Variants in TMEM101 observed in about 807,000 individuals in gnomAD.
The protein encoded by TMEM101 is transmembrane protein 101.
TMEM101 carries 14 observed loss-of-function variants against 26.0 expected under a neutral mutation model. That is an observed-to-expected ratio of 0.54 (90% CI 0.36 to 0.84). The LOEUF is 0.84. Ranked by LOEUF, TMEM101 falls within the 40% of genes least tolerant of loss-of-function variation. The pLI is 0.01. For missense variants in TMEM101, 292 were observed against 345.1 expected (o/e 0.85, Z 1.22); for synonymous variants, 152 against 145.1 (o/e 1.05, Z -0.34).
Position 44,013,096 on chromosome 17 carries a change from A to G in TMEM101, c.378T>C (p.Gly126=). 1 of 1,609,492 alleles carries G rather than the reference A, an allele frequency of 6.2e-7. No individual in the cohort carries two copies. The highest frequency in any genetic ancestry group is 8.5e-7 in the Non-Finnish European group (1 of 1,176,836). ...IIGGFLVLAS[G]AGELYRRKPR... is the part of the protein sequence containing the mutation. ...GTTTCCGGCGGTACAGCTCCCCAGCACCGCTGGCCAACACAAGAAAGCCGC... is the reference window on the plus strand; with the variant it reads ...GTTTCCGGCGGTACAGCTCCCCAGCGCCGCTGGCCAACACAAGAAAGCCGC... The change falls in exon 3 of 4, where the codon GGT becomes GGC. Residue 126 remains glycine, a synonymous_variant. Coordinates refer to ENST00000206380, the MANE Select transcript of TMEM101 (RefSeq NM_032376.4).
At chr17:44,014,752 C>T in intron 1 of TMEM101, 64 bp downstream of exon 1, 3 of 1,517,722 alleles carry the variant, frequency 2.0e-6, no homozygotes, top group South Asian at 2.6e-5. Flanking sequence ...CGACTTCTAG[C>T]CCCCAATTTC....
upstream of TMEM101, among the ~76,000 whole-genome samples, chr17:44,015,579 G>A (rs1423524033): frequency 1.3e-5 from 2 of 152,064 alleles, no homozygotes; most frequent in East Asian, 3.9e-4. Context: ...ATTTTTAGTA[G>A]AGACGGAGTT....
Position 44,013,116 on chromosome 17 carries a change from A to AGCT in TMEM101, c.357_358insAGC (p.Gly119_Phe120insSer). On this transcript the variant is annotated inframe_insertion, in exon 3 of 4. Transcript: ENST00000206380. ...CCAGCACCGCTGGCCAACACAAGAA[A>AGCT]GCCGCCGATGATGGCAACTGTGCGC... 6.2e-7 allele frequency: 1 copy of AGCT among 1,606,924 alleles called. No individual in the cohort carries two copies. The highest frequency in any genetic ancestry group is 8.5e-7 in the Non-Finnish European group (1 of 1,174,712).
At chr17:44,012,331 C>T (rs2049171736) in intron 3 of TMEM101, 95 bp from the exon 4 acceptor site, 4 of 1,215,588 alleles carry the variant, frequency 3.3e-6, no homozygotes, top group South Asian at 3.0e-5. Context: ...TGAGTCCCTG[C>T]AGATGGGCTT....
chr17:44,020,416 G>A (rs971898168), intron 2 of TMEM101, among the ~76,000 whole-genome samples: 3 of 152,154 alleles, frequency 2.0e-5, no homozygotes, highest in Non-Finnish European at 4.4e-5. Context: ...AGAAGTCCAG[G>A]TTGGATTTCA....
chr17:44,023,094 C>A (rs796868829), exon 1 of TMEM101: 2 of 381,432 alleles, frequency 5.2e-6, no homozygotes, highest in South Asian at 3.8e-5. Context: ...GCTCCAGAGT[C>A]GGCCACTCGT....
rs894531067 is a variant in TMEM101 at position 44,014,933 on chromosome 17, G to C, written c.20C>G (p.Ser7Trp). 6.2e-7 allele frequency: 1 copy of C among 1,612,900 alleles called. No homozygotes were observed. The highest frequency in any genetic ancestry group is 1.3e-5 in the African/African-American group (1 of 74,916). Residue 7 changes from serine to tryptophan, a missense_variant, in exon 1 of 4, where the codon TCG becomes TGG. Around this residue, in one of 2 missense-constraint regions of TMEM101, gnomAD observed 143 missense variants for 133.2 expected, o/e 1.07. Coordinates refer to ENST00000206380, the MANE Select transcript of TMEM101 (RefSeq NM_032376.4). Reference sequence around the variant, plus strand: ...GATCAGCTGCAACATCCACCGTCTCGAACCTATCTTCGACGCCATCTTGGG... The same window carrying C: ...GATCAGCTGCAACATCCACCGTCTCCAACCTATCTTCGACGCCATCTTGGG... MASKIG[S>W]RRWMLQLIMQ...
At chr17:44,012,657 G>C (rs892692321) in intron 3 of TMEM101, 1 of 411,878 alleles carries the variant, frequency 2.4e-6, no homozygotes, top group Non-Finnish European at 4.3e-6. Context: ...AGCTCTAGGG[G>C]GCAGAGTCCC....
intron 2 of TMEM101, among the ~76,000 whole-genome samples, chr17:44,019,993 T>C (rs917247563): frequency 4.6e-5 from 7 of 152,140 alleles, no homozygotes; most frequent in African/African-American, 1.7e-4. Context: ...GCTGAGCAAA[T>C]TTATCTGATT....
In TMEM101 at chr17:44,014,327, G is replaced by A. The variant is rs1325610515; in HGVS notation, c.318+30C>T. On this transcript the variant is annotated intron_variant, in intron 2 of 3. Transcript: ENST00000206380. ...GCCTCTGATTCCCCGTCACCCAGAG[G>A]GAAGACCCTTTTGGGGCCGAGGCGC... 15 of 1,539,584 alleles carry A rather than the reference G, an allele frequency of 9.7e-6. 1 individual carries two copies. The highest frequency in any genetic ancestry group is 1.3e-5 in the Non-Finnish European group (15 of 1,138,180).
At chr17:44,019,693 A>C (rs145817380), upstream of TMEM101, among the ~76,000 whole-genome samples, 4 of 152,216 alleles carry the variant, frequency 2.6e-5, no homozygotes, top group African/African-American at 9.6e-5. Context: ...TTAATATTTA[A>C]CTTTTCCTCC....
upstream of TMEM101, among the ~76,000 whole-genome samples, chr17:44,016,935 C>T (rs2049238147): frequency 6.6e-6 from 1 of 151,828 alleles, no homozygotes; most frequent in Non-Finnish European, 1.5e-5. Context: ...GAGTTCAAGA[C>T]CAGCCTGGCC....
intron 2 of TMEM101, among the ~76,000 whole-genome samples, chr17:44,013,649 ACT>A (rs1000233251): frequency 5.9e-5 from 9 of 151,640 alleles, no homozygotes; most frequent in Non-Finnish European, 8.8e-5. Context: ...ACGGAGAGAG[ACT>A]CTGTTTCAAA....
upstream of TMEM101, among the ~76,000 whole-genome samples, chr17:44,017,853 G>A (rs2049249698): frequency 6.6e-6 from 1 of 151,972 alleles, no homozygotes; most frequent in Non-Finnish European, 1.5e-5. Flanking sequence ...CACTAGGGTC[G>A]GGCATGGTGG....
At position 44,011,816 on chromosome 17, in the gene TMEM101, A is replaced by C; in HGVS notation, c.*112T>G. 8.2e-7 allele frequency: 1 copy of C among 1,226,516 alleles called. No individual in the cohort carries two copies. Among genetic ancestry groups the C allele is most frequent in the Non-Finnish European group, 1.1e-6 (1 of 890,342 alleles). The allele number at this position is 1,226,516 out of a possible 1,614,324, so 76.0% of individuals were successfully genotyped here. On this transcript the variant is annotated 3_prime_UTR_variant, in exon 4 of 4. Transcript: ENST00000206380. ...AAAAACAATTTTAAAAAAGCAAAAG[A>C]TCAAACAAACAGACCAAAAAGCATA... is the stretch of plus-strand genomic sequence containing the variant.
Position 44,012,105 on chromosome 17 carries a change from G to A in TMEM101, c.597C>T (p.Tyr199=), listed in dbSNP as rs776905114. ...CCAGGATCTGGGCAGCGAGGGTCAC[G>A]TAGTAGCCTGACAGAAAGGCCAGGG... The part of the protein sequence containing the change: ...ILALAFLSGY[Y]VTLAAQILAV... Residue 199 remains tyrosine (Y), a synonymous_variant, in exon 4 of 4, where the codon TAC becomes TAT. Coordinates refer to ENST00000206380, the MANE Select transcript of TMEM101 (RefSeq NM_032376.4). The A allele has an allele frequency of 8.7e-6, 14 of 1,614,116 alleles. No homozygotes were observed. Among genetic ancestry groups the A allele is most frequent in the Middle Eastern group, 1.6e-4 (1 of 6,084 alleles).
At chr17:44,020,549 C>T (rs2049275920) in intron 2 of TMEM101, among the ~76,000 whole-genome samples, 7 of 152,046 alleles carry the variant, frequency 4.6e-5, no homozygotes, top group Admixed American at 4.6e-4. Context: ...GGTGAAACCC[C>T]GTCTCTACTA....
chr17:44,020,273 A>G (rs1407186344), intron 2 of TMEM101, among the ~76,000 whole-genome samples: 3 of 152,188 alleles, frequency 2.0e-5, no homozygotes, highest in Non-Finnish European at 4.4e-5. Flanking sequence ...CACCTGTAGG[A>G]TTCGCATACC....
chr17:44,011,891 G>A lies in TMEM101; in HGVS notation c.*37C>T. Reference sequence around the variant, plus strand: ...GGAGGAAGGCAGGGTGACCCTCAGTGGCTCCCTGTGCCCATCTCAGCCTCT... The same window carrying A: ...GGAGGAAGGCAGGGTGACCCTCAGTAGCTCCCTGTGCCCATCTCAGCCTCT... On this transcript the variant is annotated 3_prime_UTR_variant, in exon 4 of 4. Coordinates refer to ENST00000206380, the MANE Select transcript of TMEM101 (RefSeq NM_032376.4). The A allele has an allele frequency of 5.1e-6, 8 of 1,564,770 alleles. No homozygotes were observed. The highest frequency in any genetic ancestry group is 1.3e-5 in the African/African-American group (1 of 74,324).
Sources: gnomAD v4.1 joint callset for allele counts (sites outside exome capture counted in the v4.1 genomes callset) on GRCh38, gnomAD v4.1.1 for gene constraint, gnomAD v4.1.1 regional missense constraint, MANE v1.5 for transcripts, NCBI Gene and HGNC (gene_info 2026-07-23, HGNC 2026-07-21) for gene names.